Variants in CD300LD observed in about 807,000 individuals in gnomAD.
CD300LD encodes the protein CMRF35-like molecule 5.
CD300LD carries 18 observed loss-of-function variants against 20.3 expected under a neutral mutation model. The ratio of observed to expected loss-of-function variants is 0.89; its 90% confidence interval spans 0.61 to 1.32. The LOEUF is 1.32. CD300LD is among the 40% of genes most tolerant of loss of function. The probability of loss-of-function intolerance (pLI) is 0.00; values close to 1 mark genes in which losing one functional copy is unlikely to be tolerated. For synonymous variants in CD300LD, 104 were observed against 90.1 expected (o/e 1.15, Z -0.87); for missense variants, 195 against 226.6 (o/e 0.86, Z 0.90).
At position 74,588,815 on chromosome 17, in the gene CD300LD, T is replaced by G; in HGVS notation, c.75A>C (p.Thr25=). 6.2e-7 allele frequency: 1 copy of G among 1,610,712 alleles called. No homozygotes were observed. The highest frequency in any genetic ancestry group is 1.1e-5 in the South Asian group (1 of 91,032). The part of the protein sequence containing the change: ...YSIAAKITGP[T]TVNGSEQGSL... ...AGCCCTGCTCCGAGCCATTCACTGT[T>G]GTTGGACCAGTGATTTTAGCGGCAA... The change falls in exon 2 of 4, where the codon ACA becomes ACC. Residue 25 remains threonine (T), a synonymous_variant. Coordinates refer to ENST00000375352, the MANE Select transcript of CD300LD (RefSeq NM_001115152.2).
chr17:74,591,011 G>C (rs2030298464), intron 1 of CD300LD, among the ~76,000 whole-genome samples: 1 of 152,070 alleles, frequency 6.6e-6, no homozygotes, highest in African/African-American at 2.4e-5. Context: ...GGAGGTCAAG[G>C]CTGCAGTGAA....
chr17:74,590,918 A>G lies in CD300LD; in HGVS notation c.40+1245T>C, dbSNP rs75422496. Among the ~76,000 whole-genome samples the G allele has an allele frequency of 2.1e-3, 314 of 152,108 alleles. 12 individuals are homozygous for G. The East Asian group carries it at 0.056, about 27-fold the overall frequency. ...CATAGCGAGACTAAATAAATAAATA[A>G]ATATTAGCTGGGTGTCGCACCACAT... On this transcript the variant is annotated intron_variant, in intron 1 of 3. Transcript: ENST00000375352.
At chr17:74,589,688 G>C (rs1318259121) in intron 1 of CD300LD, among the ~76,000 whole-genome samples, 1 of 152,214 alleles carries the variant, frequency 6.6e-6, no homozygotes, top group Non-Finnish European at 1.5e-5. Flanking sequence ...CCTTAAGTGA[G>C]AGCTTTGCCA....
rs2030340316 is a variant in CD300LD at position 74,592,270 on chromosome 17, G to A, written c.-68C>T. On this transcript the variant is annotated 5_prime_UTR_variant, in exon 1 of 4. Coordinates refer to ENST00000375352, the MANE Select transcript of CD300LD (RefSeq NM_001115152.2). ...GTGCCCTTCAGGGACTTGAATCCAA[G>A]CTCGGAAGTCAACACCGCAAACCTA... The A allele has an allele frequency of 8.7e-6, 14 of 1,613,824 alleles. No homozygotes were observed. Among genetic ancestry groups the A allele is most frequent in the Non-Finnish European group, 1.2e-5 (14 of 1,179,914 alleles).
At chr17:74,590,602 G>C (rs569560189) in intron 1 of CD300LD, 1 of 152,062 alleles carries the variant, frequency 6.6e-6, no homozygotes, top group African/African-American at 2.4e-5. Context: ...ACAGAAATTG[G>C]ACTCCATGCC....
At chr17:74,581,348 C>A (rs1183654901) in intron 3 of CD300LD, among the ~76,000 whole-genome samples, 1 of 152,002 alleles carries the variant, frequency 6.6e-6, no homozygotes, top group Non-Finnish European at 1.5e-5. Context: ...GAGACACGGG[C>A]CTCTGCGCTG....
chr17:74,582,146 TG>T, intron 3 of CD300LD, 71 bp downstream of exon 3: 1 of 1,243,290 alleles, frequency 8.0e-7, no homozygotes, highest in Non-Finnish European at 1.2e-6. Context: ...TTGTTGTATC[TG>T]GCAACCCCTG....
chr17:74,588,583 C>T lies in CD300LD; in HGVS notation c.307G>A (p.Asp103Asn), dbSNP rs374553535. The change falls in exon 2 of 4, where the codon GAC becomes AAC. Residue 103 changes from aspartate to asparagine, a missense_variant. Coordinates refer to ENST00000375352, the MANE Select transcript of CD300LD (RefSeq NM_001115152.2). ...TMENLKRDDA[D>N]SYWCGTERPG... is the part of the protein sequence containing the mutation. The stretch of plus-strand genomic sequence containing the variant: ...CTCTCAGTCCCACACCAATAACTGT[C>T]AGCATCATCTCTTTTGAGATTCTCC... 1.2e-6 allele frequency: 2 copies of T among 1,614,182 alleles called. No homozygotes were observed. Among genetic ancestry groups the T allele is most frequent in the African/African-American group, 2.7e-5 (2 of 75,044 alleles).
intron 2 of CD300LD, among the ~76,000 whole-genome samples, chr17:74,587,332 T>A (rs1448023668): frequency 1.3e-5 from 2 of 152,220 alleles, no homozygotes; most frequent in African/African-American, 4.8e-5. Context: ...GTTTTTCCAT[T>A]TCATTTAACT....
At position 74,585,135 on chromosome 17, in the gene CD300LD, A is replaced by G. The variant is rs575457511; in HGVS notation, c.380-2824T>C. 409 of 152,348 alleles carry G rather than the reference A, an allele frequency of 2.7e-3. 3 individuals carry two copies. The highest frequency in any genetic ancestry group is 9.5e-3 in the African/African-American group (394 of 41,578). The allele number at this position is 152,348 out of a possible 1,614,324, so 9.4% of individuals were successfully genotyped here. A position where few individuals can be genotyped will look rare whatever the true frequency, so the allele number is the denominator to read the frequency against. On this transcript the variant is annotated intron_variant, in intron 2 of 3. Transcript: ENST00000375352. ...CTGGTGCTCAGGTTAGTTCTCAAACATTAATTAAGATGCTGAAGAAGGTCA... is the reference window on the plus strand; with the variant it reads ...CTGGTGCTCAGGTTAGTTCTCAAACGTTAATTAAGATGCTGAAGAAGGTCA...
At chr17:74,581,357 T>G (rs982631454) in intron 3 of CD300LD, among the ~76,000 whole-genome samples, 1 of 152,036 alleles carries the variant, frequency 6.6e-6, no homozygotes, top group African/African-American at 2.4e-5. Flanking sequence ...GCCTCTGCGC[T>G]GGGCTCTAGC....
At chr17:74,580,402 G>C (rs1165118724) in intron 3 of CD300LD, among the ~76,000 whole-genome samples, 2 of 152,214 alleles carry the variant, frequency 1.3e-5, no homozygotes, top group African/African-American at 4.8e-5. Context: ...TCTTGAAGGG[G>C]TTTAGCATTC....
chr17:74,589,031 T>G (rs548677153), intron 1 of CD300LD, among the ~76,000 whole-genome samples, 182 bp from the exon 2 acceptor site: 1 of 152,238 alleles, frequency 6.6e-6, no homozygotes, highest in Non-Finnish European at 1.5e-5. Context: ...GGAAAATCAC[T>G]GAAGAGCACA....
chr17:74,590,980 T>A (rs1018312962), intron 1 of CD300LD, among the ~76,000 whole-genome samples: 1 of 151,984 alleles, frequency 6.6e-6, no homozygotes, highest in African/African-American at 2.4e-5. Flanking sequence ...GAGGCTGAGG[T>A]GGGAGGATGG....
At chr17:74,591,142 G>T (rs2030302029) in intron 1 of CD300LD, among the ~76,000 whole-genome samples, 1 of 151,746 alleles carries the variant, frequency 6.6e-6, no homozygotes. Flanking sequence ...AGCCAGGCAT[G>T]GTGGCTCACA....
rs758488036 is a variant in CD300LD at position 74,582,201 on chromosome 17, G to A, written c.473+17C>T. The A allele has an allele frequency of 3.7e-6, 6 of 1,611,386 alleles. No individual in the cohort carries two copies. In the Admixed American group the frequency reaches 1.0e-4, roughly 27 times the overall value. Reference sequence around the variant, plus strand: ...GGCCAGGCCTGTGCGAAAGTGGTGGGACCTGGCTCCACCTACCTGGTGAGG... The same window carrying A: ...GGCCAGGCCTGTGCGAAAGTGGTGGAACCTGGCTCCACCTACCTGGTGAGG... On this transcript the variant is annotated intron_variant, in intron 3 of 3. Coordinates refer to ENST00000375352, the MANE Select transcript of CD300LD (RefSeq NM_001115152.2).
chr17:74,590,649 A>G (rs919484673), intron 1 of CD300LD: 4 of 152,148 alleles, frequency 2.6e-5, no homozygotes, highest in Admixed American at 2.6e-4. Context: ...GGGAACTAAG[A>G]AACTACACAC....
intron 1 of CD300LD, among the ~76,000 whole-genome samples, chr17:74,590,277 A>G (rs926860268): frequency 6.6e-6 from 1 of 152,032 alleles, no homozygotes; most frequent in Non-Finnish European, 1.5e-5. Context: ...AGGCCTCCCC[A>G]GTCATGTGGA....
At position 74,588,685 on chromosome 17, in the gene CD300LD, C is replaced by T. The variant is rs1461991899; in HGVS notation, c.205G>A (p.Gly69Arg). 1.9e-6 allele frequency: 3 copies of T among 1,614,048 alleles called. No homozygotes were observed. Among genetic ancestry groups the T allele is most frequent in the Middle Eastern group, 3.3e-4 (2 of 6,084 alleles). The change falls in exon 2 of 4, where the codon GGA (glycine) becomes AGA (arginine). Residue 69 changes from glycine to arginine, a missense_variant. Transcript: ENST00000375352. ...TTCTTCTTTACCTCCTGCTCTGATC[C>T]ATTTGTTTTAACAAGGATGTTACAG... ...NYCNILVKTN[G>R]SEQEVKKNRV... is the part of the protein sequence containing the mutation.
Sources: gnomAD v4.1 joint callset for allele counts (sites outside exome capture counted in the v4.1 genomes callset) on GRCh38, gnomAD v4.1.1 for gene constraint, MANE v1.5 for transcripts, NCBI Gene and HGNC (gene_info 2026-07-23, HGNC 2026-07-21) for gene names.